Variants in SELENON observed in about 807,000 individuals in gnomAD.
SELENON encodes the protein selenoprotein N.
SELENON carries 44 observed loss-of-function variants against 59.5 expected under a neutral mutation model. The ratio of observed to expected loss-of-function variants is 0.74; its 90% CI spans 0.58 to 0.95. The LOEUF is 0.95. Among genes scored for constraint, SELENON ranks in the 40% least tolerant of loss-of-function variants. The pLI, the probability that SELENON is intolerant of heterozygous loss-of-function variation, is 0.00. For synonymous variants in SELENON, 320 were observed against 305.6 expected, an observed-to-expected ratio of 1.05 and a Z score of -0.49; for missense variants, 674 against 721.4, an observed-to-expected ratio of 0.93 and a Z score of 0.75.
At chr1:25,806,080 A>T (rs188704228) in intron 4 of SELENON, among the ~76,000 whole-genome samples, 140 of 152,258 alleles carry the variant, frequency 9.2e-4, no homozygotes, top group African/African-American at 3.2e-3. Context: ...TGCCCAGCCC[A>T]CACAGCCCGA....
At position 25,801,102 on chromosome 1, in the gene SELENON, T is replaced by C; in HGVS notation, c.243T>C (p.Thr81=). Residue 81 remains threonine, a synonymous_variant, in exon 2 of 13, where the codon ACT becomes ACC. Coordinates refer to ENST00000361547, the MANE Select transcript of SELENON (RefSeq NM_020451.3). The stretch of plus-strand genomic sequence containing the variant: ...TTTTTCTCTTTTCCTCCTTGGACAC[T>C]GACGGGGATATGTACATCAGCCCTG... 3 of 1,614,172 alleles carry C rather than the reference T, an allele frequency of 1.9e-6. No homozygotes were observed. The highest frequency in any genetic ancestry group is 1.7e-6 in the Non-Finnish European group (2 of 1,180,012).
At chr1:25,805,362 T>C (rs2047897124) in intron 4 of SELENON, 87 bp downstream of exon 3, 1 of 1,583,738 alleles carries the variant, frequency 6.3e-7, no homozygotes, top group Admixed American at 1.7e-5. Flanking sequence ...TCCTCTGCCC[T>C]CTGTGTGCCC....
intron 5 of SELENON, 58 bp from the exon 5 acceptor site, chr1:25,808,968 A>G: frequency 6.2e-7 from 1 of 1,612,138 alleles, no homozygotes; most frequent in Non-Finnish European, 8.5e-7. Flanking sequence ...CCCCCACCCC[A>G]GCGGATCCAG....
rs780715850 is a variant in SELENON at position 25,809,072 on chromosome 1, T to A, written c.794T>A (p.Val265Glu). ...AGCATGTTCCACCCTCGGCCCTTTG[T>A]GAAGACCCGCTTTGCCCCTCAGGGA... The change falls in exon 6 of 13, where the codon GTG (valine) becomes GAG (glutamate). Residue 265 changes from valine to glutamate, a missense_variant. Physicochemically the swap from Val to Glu is moderately radical, Grantham distance 121. Coordinates refer to ENST00000361547, the MANE Select transcript of SELENON (RefSeq NM_020451.3). The A allele has an allele frequency of 1.9e-6, 3 of 1,613,850 alleles. No individual in the cohort carries two copies. In the East Asian group the frequency reaches 6.7e-5, roughly 36 times the overall value.
Position 25,801,050 on chromosome 1 carries a change from C to T in SELENON, c.191C>T (p.Ala64Val), listed in dbSNP as rs931317399. The change falls in exon 2 of 13, where the codon GCG (alanine) becomes GTG (valine). Residue 64 changes from alanine to valine, a missense_variant. Ala to Val is a moderately conservative substitution (Grantham distance 64). Transcript: ENST00000361547. ...GTCTCTCCTCCCAAGCAGGAACTGGCGCTGAAGACCCTGGGGACAGATGGC... is the reference window on the plus strand; with the variant it reads ...GTCTCTCCTCCCAAGCAGGAACTGGTGCTGAAGACCCTGGGGACAGATGGC... 6.2e-7 allele frequency: 1 copy of T among 1,613,922 alleles called. No individual in the cohort carries two copies. Among genetic ancestry groups the T allele is most frequent in the African/African-American group, 1.3e-5 (1 of 75,040 alleles).
At position 25,812,807 on chromosome 1, in the gene SELENON, T is replaced by G; in HGVS notation, c.1387+15T>G. 6.3e-7 allele frequency: 1 copy of G among 1,592,058 alleles called. No homozygotes were observed. Among genetic ancestry groups the G allele is most frequent in the Non-Finnish European group, 8.6e-7 (1 of 1,162,628 alleles). Reference sequence around the variant, plus strand: ...GTCCTGCTGAGGTGAGGGGCCCGGCTGGATCTAAGGGGAGCAGTGGGAAAG... The same window carrying G: ...GTCCTGCTGAGGTGAGGGGCCCGGCGGGATCTAAGGGGAGCAGTGGGAAAG... On this transcript the variant is annotated intron_variant, in intron 10 of 12. Coordinates refer to ENST00000361547, the MANE Select transcript of SELENON (RefSeq NM_020451.3).
intron 4 of SELENON, among the ~76,000 whole-genome samples, chr1:25,806,274 T>G (rs1310396749): frequency 6.6e-6 from 1 of 152,228 alleles, no homozygotes; most frequent in Non-Finnish European, 1.5e-5. Context: ...ACCAAGGGCT[T>G]TGTTGCCTGC....
chr1:25,808,915 G>A, intron 5 of SELENON, 111 bp from the exon 5 acceptor site: 1 of 1,578,292 alleles, frequency 6.3e-7, no homozygotes, highest in Non-Finnish European at 8.7e-7. Context: ...CTCTGGACCT[G>A]CCCCCTCCCC....
intron 3 of SELENON, among the ~76,000 whole-genome samples, chr1:25,804,791 C>T (rs564789682): frequency 6.6e-6 from 1 of 152,246 alleles, no homozygotes; most frequent in Non-Finnish European, 1.5e-5. Context: ...GAGTTCCTCT[C>T]AGTCCCAGAA....
Position 25,800,369 on chromosome 1 carries a change from CG to C in SELENON, c.142del (p.Val48SerfsTer18), listed in dbSNP as rs2047850396. 5.5e-6 allele frequency: 6 copies of C among 1,088,618 alleles called. No individual in the cohort carries two copies. Among genetic ancestry groups the C allele is most frequent in the Non-Finnish European group, 6.7e-6 (6 of 897,224 alleles). The allele number at this position is 1,088,618 out of a possible 1,614,324, so 67.4% of individuals were successfully genotyped here. A position where few individuals can be genotyped will look rare whatever the true frequency, so the allele number is the denominator to read the frequency against. On this transcript the variant is annotated frameshift_variant, in exon 1 of 13. Coordinates refer to ENST00000361547, the MANE Select transcript of SELENON (RefSeq NM_020451.3). LOFTEE classifies it high-confidence loss of function. Reference sequence around the variant, plus strand: ...GGCCGCCGCCGCTGCCGCCGCCGTCCGGGTCTGCGCCCGCCACGCCGAGGCC... The same window carrying C: ...GGCCGCCGCCGCTGCCGCCGCCGTCCGGTCTGCGCCCGCCACGCCGAGGCC...
Position 25,811,778 on chromosome 1 carries a change from G to T in SELENON, c.1180G>T (p.Glu394Ter), listed in dbSNP as rs747284477. Residue 394 changes from glutamate to a stop codon, truncating the protein, a stop_gained, in exon 9 of 13, where the codon GAG becomes TAG. Coordinates refer to ENST00000361547, the MANE Select transcript of SELENON (RefSeq NM_020451.3). LOFTEE classifies it high-confidence loss of function. The stretch of plus-strand genomic sequence containing the variant: ...GATCGACAGCCACCTGCCTTCAGGG[G>T]AGCCCCTGCAGTTTGTGTTTGAGGA... 8.8e-6 allele frequency: 14 copies of T among 1,591,740 alleles called. No individual in the cohort carries two copies. The South Asian group carries it at 1.2e-4, about 14-fold the overall frequency.
chr1:25,801,638 C>A (rs558961402), intron 2 of SELENON, among the ~76,000 whole-genome samples: 1 of 152,082 alleles, frequency 6.6e-6, no homozygotes, highest in East Asian at 1.9e-4. Flanking sequence ...CCAGCCTGGG[C>A]GACAGAGTGA....
At chr1:25,800,922 G>A in intron 1 of SELENON, 121 bp from the exon 2 acceptor site, 2 of 829,164 alleles carry the variant, frequency 2.4e-6, no homozygotes, top group Non-Finnish European at 4.3e-6. Context: ...TGGACCGGGA[G>A]GCACTGGGAG....
At chr1:25,802,488 C>A (rs1168467019) in intron 3 of SELENON, among the ~76,000 whole-genome samples, 1 of 152,170 alleles carries the variant, frequency 6.6e-6, no homozygotes, top group Admixed American at 6.5e-5. Flanking sequence ...TTCCCAGGAG[C>A]TGGGATTACA....
chr1:25,812,609 G>T, intron 9 of SELENON, 78 bp from the exon 9 acceptor site: 4 of 803,322 alleles, frequency 5.0e-6, no homozygotes, highest in Non-Finnish European at 7.8e-6. Flanking sequence ...ACACACACTT[G>T]CACACACTAC....
rs759920968 is a variant in SELENON, at chr1:25,809,641, G to A, written c.873-42G>A. ...CCAAGGCTTCCCGGGCTCCTGGGGA[G>A]AAGGTGGGCAGCTCTGGTGCAGCAG... On this transcript the variant is annotated intron_variant, in intron 6 of 12. Transcript: ENST00000361547. 3 of 1,611,080 alleles carry A rather than the reference G, an allele frequency of 1.9e-6. No homozygotes were observed. The South Asian group carries it at 3.3e-5, about 18-fold the overall frequency.
At chr1:25,808,978 G>C in intron 5 of SELENON, 48 bp from the exon 5 acceptor site, 1 of 1,612,722 alleles carries the variant, frequency 6.2e-7, no homozygotes, top group Non-Finnish European at 8.5e-7. Flanking sequence ...AGCGGATCCA[G>C]GCCCAGCGGG....
chr1:25,808,523 A>G, intron 4 of SELENON, 57 bp from the exon 4 acceptor site: 1 of 1,594,578 alleles, frequency 6.3e-7, no homozygotes. Context: ...CACATGGTAC[A>G]GGAGACCCCG....
chr1:25,815,861 A>C lies in SELENON; in HGVS notation c.*143A>C. The C allele has an allele frequency of 1.2e-6, 1 of 825,802 alleles. No homozygotes were observed. Among genetic ancestry groups the C allele is most frequent in the Non-Finnish European group, 1.9e-6 (1 of 523,154 alleles). 51.2% of individuals were successfully genotyped at this position (825,802 alleles called of 1,614,324 possible). On this transcript the variant is annotated 3_prime_UTR_variant, in exon 13 of 13. Transcript: ENST00000361547. ...GGTACAAGATCCACTGAGGGTGGCC[A>C]CCACAGCCTTGGCTCCATGGTGGCG... is the stretch of plus-strand genomic sequence containing the variant.
Sources: gnomAD v4.1 joint callset for allele counts (sites outside exome capture counted in the v4.1 genomes callset) on GRCh38, gnomAD v4.1.1 for gene constraint, MANE v1.5 for transcripts, NCBI Gene and HGNC (gene_info 2026-07-23, HGNC 2026-07-21) for gene names.